ARID4B: variants seen among roughly 807,000 people sequenced by gnomAD.
ARID4B encodes the protein AT-rich interaction domain 4B.
Under a neutral mutation model 147.5 loss-of-function variants are expected in ARID4B, and 26 were observed. That is an observed-to-expected ratio of 0.18 (90% CI 0.13 to 0.24). ARID4B has a LOEUF of 0.24. Ranked by LOEUF, ARID4B falls within the 10% of genes least tolerant of loss-of-function variation. ARID4B has a pLI of 1.00. For synonymous variants in ARID4B, 512 were observed against 507.9 expected (o/e 1.01, Z -0.11); for missense variants, 1,179 against 1,511.5 (o/e 0.78, Z 3.65).
At chr1:235,291,953 T>C (rs1672365595) in intron 2 of ARID4B, among the ~76,000 whole-genome samples, 1 of 152,094 alleles carries the variant, frequency 6.6e-6, no homozygotes, top group Admixed American at 6.5e-5. Flanking sequence ...AAACAATGAC[T>C]GTACAGAAAG....
At chr1:235,247,514 G>T (rs182908350) in intron 6 of ARID4B, among the ~76,000 whole-genome samples, 1 of 151,862 alleles carries the variant, frequency 6.6e-6, no homozygotes, top group Non-Finnish European at 1.5e-5. Context: ...ATCTAACAAC[G>T]AACAGTATGA....
chr1:235,297,552 C>T (rs11581314), intron 2 of ARID4B, among the ~76,000 whole-genome samples: 19,979 of 152,070 alleles, frequency 0.13, 1,529 homozygotes, highest in African/African-American at 0.2. Context: ...TCCTCAGATG[C>T]TGCGAAAACC....
intron 2 of ARID4B, 87 bp downstream of exon 2, chr1:235,326,827 C>G (rs1342674861): frequency 6.5e-7 from 1 of 1,531,012 alleles, no homozygotes; most frequent in South Asian, 1.1e-5. Flanking sequence ...CTGCAAAACT[C>G]GGAAGCCCCA....
At chr1:235,312,160 C>A (rs1379816113) in intron 2 of ARID4B, among the ~76,000 whole-genome samples, 1 of 151,370 alleles carries the variant, frequency 6.6e-6, no homozygotes, top group Admixed American at 6.6e-5. Flanking sequence ...GTGGCGCGCA[C>A]CTGTAGTTCC....
At chr1:235,327,218 C>T in intron 1 of ARID4B, 1 of 337,608 alleles carries the variant, frequency 3.0e-6, no homozygotes, top group East Asian at 5.2e-5. Flanking sequence ...CCGTCTACGA[C>T]AATGACGCCA....
chr1:235,277,617 TGTGTG>T (rs1671417740), intron 2 of ARID4B, among the ~76,000 whole-genome samples: 1 of 140,374 alleles, frequency 7.1e-6, no homozygotes, highest in Non-Finnish European at 1.5e-5. Context: ...TGTGTGTGTG[TGTGTG>T]TGTGTGTGTG....
At chr1:235,235,258 G>A (rs1178199457) in intron 8 of ARID4B, among the ~76,000 whole-genome samples, 4 of 152,022 alleles carry the variant, frequency 2.6e-5, no homozygotes, top group Admixed American at 6.6e-5. Flanking sequence ...AGGAGTTTTG[G>A]GACTACTAAG....
At chr1:235,291,353 A>G (rs906273140) in intron 2 of ARID4B, among the ~76,000 whole-genome samples, 27 of 152,276 alleles carry the variant, frequency 1.8e-4, no homozygotes, top group African/African-American at 6.3e-4. Flanking sequence ...GGTTGCGGTG[A>G]GCTGAGATCG....
chr1:235,229,068 C>A, intron 11 of ARID4B, 163 bp downstream of exon 11: 2 of 800,456 alleles, frequency 2.5e-6, no homozygotes, highest in Non-Finnish European at 1.9e-6. Context: ...TCTAAAGTAA[C>A]CAAGTAAACT....
intron 2 of ARID4B, among the ~76,000 whole-genome samples, chr1:235,267,150 C>T (rs1477702508): frequency 6.6e-6 from 1 of 152,074 alleles, no homozygotes; most frequent in African/African-American, 2.4e-5. Context: ...TAGTGGCATG[C>T]ACGTATGGTC....
At position 235,245,575 on chromosome 1, in the gene ARID4B, C is replaced by T. The variant is rs927970234; in HGVS notation, c.446+845G>A. On this transcript the variant is annotated intron_variant, in intron 7 of 23. Coordinates refer to ENST00000264183, the MANE Select transcript of ARID4B (RefSeq NM_016374.6). Reference sequence around the variant, plus strand: ...AAAAACGTAGAAATTTTTTAAAGTTCGAATAATTCAGCAAGAACCAGTCCT... The same window carrying T: ...AAAAACGTAGAAATTTTTTAAAGTTTGAATAATTCAGCAAGAACCAGTCCT... Among the ~76,000 whole-genome samples the T allele has an allele frequency of 4.6e-5, 7 of 151,872 alleles. No homozygotes were observed. In the East Asian group the frequency reaches 9.7e-4, roughly 21 times the overall value.
At chr1:235,233,675 A>G (rs1668381845) in intron 9 of ARID4B, among the ~76,000 whole-genome samples, 1 of 152,234 alleles carries the variant, frequency 6.6e-6, no homozygotes, top group Admixed American at 6.5e-5. Context: ...ACTACTGCAA[A>G]AGTTGAGTAT....
chr1:235,241,238 A>ACC (rs1406792473), intron 7 of ARID4B, among the ~76,000 whole-genome samples: 2 of 152,016 alleles, frequency 1.3e-5, no homozygotes, highest in Non-Finnish European at 2.9e-5. Flanking sequence ...AAGACTAGGA[A>ACC]ATGTTTGATG....
intron 2 of ARID4B, among the ~76,000 whole-genome samples, chr1:235,307,884 T>C (rs961721742): frequency 1.1e-4 from 16 of 152,042 alleles, no homozygotes; most frequent in African/African-American, 3.6e-4. Flanking sequence ...CAGGCTGGAA[T>C]CTAGTGGTGC....
At chr1:235,203,647 C>A (rs1484068760) in intron 17 of ARID4B, among the ~76,000 whole-genome samples, 1 of 151,842 alleles carries the variant, frequency 6.6e-6, no homozygotes, top group Non-Finnish European at 1.5e-5. Flanking sequence ...TATATCTTGC[C>A]TCTCTATAAT....
At chr1:235,224,942 C>G (rs1387661061) in intron 11 of ARID4B, among the ~76,000 whole-genome samples, 167 bp from the exon 12 acceptor site, 1 of 152,138 alleles carries the variant, frequency 6.6e-6, no homozygotes, top group Non-Finnish European at 1.5e-5. Flanking sequence ...CCAGGTAAGT[C>G]TAGACATTTT....
At chr1:235,267,530 C>T (rs1195238017) in intron 2 of ARID4B, among the ~76,000 whole-genome samples, 5 of 151,968 alleles carry the variant, frequency 3.3e-5, no homozygotes, top group East Asian at 3.9e-4. Flanking sequence ...ATGAATACAT[C>T]GAGGAAATGA....
In ARID4B at chr1:235,301,678, TAGCTGGGACCACA is replaced by T. The variant is rs776417569; in HGVS notation, c.6+25223_6+25235del. 2.4e-3 allele frequency among the ~76,000 whole-genome samples: 363 copies of T among 150,882 alleles called. 2 individuals are homozygous for T. The highest frequency in any genetic ancestry group is 3.9e-3 in the Non-Finnish European group (261 of 67,766). On this transcript the variant is annotated intron_variant, in intron 2 of 23. Transcript: ENST00000264183. ...AATCCTCCCACCTCAGCTACCGGAGTAGCTGGGACCACAGGTGCCCACCACCTTGCCTAACTAA... is the reference window on the plus strand; with the variant it reads ...AATCCTCCCACCTCAGCTACCGGAGTGGTGCCCACCACCTTGCCTAACTAA...
intron 8 of ARID4B, among the ~76,000 whole-genome samples, chr1:235,238,048 G>A (rs1436103236): frequency 1.3e-5 from 2 of 151,410 alleles, no homozygotes; most frequent in Non-Finnish European, 2.9e-5. Flanking sequence ...GGAGGCTGAG[G>A]CAGGAGGATC....
Sources: gnomAD v4.1 joint callset for allele counts (sites outside exome capture counted in the v4.1 genomes callset) on GRCh38, gnomAD v4.1.1 for gene constraint, MANE v1.5 for transcripts, NCBI Gene and HGNC (gene_info 2026-07-23, HGNC 2026-07-21) for gene names.